Variants in CHRNA6 observed in about 807,000 individuals in gnomAD.
CHRNA6 encodes neuronal acetylcholine receptor subunit alpha-6.
Under a neutral mutation model 40.9 loss-of-function variants are expected in CHRNA6, and 31 were observed. That is an observed-to-expected ratio of 0.76 (90% CI 0.57 to 1.02). The LOEUF (loss-of-function observed/expected upper bound fraction) is 1.02. Among genes scored for constraint, CHRNA6 ranks in the 50% least tolerant of loss-of-function variants. The pLI is 0.00. For missense variants in CHRNA6, 546 were observed against 596.6 expected (o/e 0.92, Z 0.88); for synonymous variants, 222 against 221.3 (o/e 1.00, Z -0.03).
At chr8:42,757,791 T>C (rs951921147) in intron 3 of CHRNA6, among the ~76,000 whole-genome samples, 26 of 149,278 alleles carry the variant, frequency 1.7e-4, no homozygotes, top group African/African-American at 6.5e-4. Flanking sequence ...CCCAGCACGT[T>C]GGGAGGCCGA....
intron 3 of CHRNA6, among the ~76,000 whole-genome samples, chr8:42,757,333 T>C (rs1404710259): frequency 2.0e-5 from 3 of 150,522 alleles, no homozygotes; most frequent in African/African-American, 7.5e-5. Flanking sequence ...GTCACTGTAC[T>C]ACAGCCTGGG....
chr8:42,758,762 G>T (rs1323695818), intron 3 of CHRNA6, among the ~76,000 whole-genome samples: 2 of 152,294 alleles, frequency 1.3e-5, no homozygotes, highest in East Asian at 1.9e-4. Context: ...TCCAAGCCTG[G>T]TCAAGCAGGG....
intron 5 of CHRNA6, among the ~76,000 whole-genome samples, chr8:42,753,858 C>T (rs77990632): frequency 0.034 from 5,160 of 152,208 alleles, 129 homozygotes; most frequent in Non-Finnish European, 0.052. Flanking sequence ...ACTTTCCCAA[C>T]TGCAAGAAAC....
chr8:42,760,324 ACT>A (rs959613872), intron 2 of CHRNA6, among the ~76,000 whole-genome samples: 14 of 128,656 alleles, frequency 1.1e-4, no homozygotes, highest in Non-Finnish European at 1.8e-4. Context: ...ACTCATGCAC[ACT>A]CACACTCATG....
chr8:42,762,630 C>T (rs1360774938), intron 2 of CHRNA6, among the ~76,000 whole-genome samples: 1 of 152,136 alleles, frequency 6.6e-6, no homozygotes, highest in Non-Finnish European at 1.5e-5. Context: ...GCCTGGGTGA[C>T]AGAGTGAGAC....
Position 42,756,796 on chromosome 8 carries a change from T to C in CHRNA6, c.403A>G (p.Lys135Glu). 7 of 1,607,468 alleles carry C rather than the reference T, an allele frequency of 4.4e-6. No homozygotes were observed. The highest frequency in any genetic ancestry group is 5.9e-6 in the Non-Finnish European group (7 of 1,178,262). ...NAVGDFQVEG[K>E]TKALLKYNGM... ...TTGTATTTAAGAAGAGCTTTTGTTT[T>C]GCCTTCTACTTGGAAGTCACCAACA... is the stretch of plus-strand genomic sequence containing the variant. The change falls in exon 5 of 6, where the codon AAA becomes GAA. Residue 135 changes from lysine (K) to glutamate (E), a missense_variant. Lys to Glu is a moderately conservative substitution (Grantham distance 56, BLOSUM62 1). Around this residue, in one of 3 missense-constraint regions of CHRNA6, gnomAD observed 476 missense variants for 494.5 expected, o/e 0.96. Transcript: ENST00000276410.
At chr8:42,766,319 C>T (rs950008164) in intron 1 of CHRNA6, among the ~76,000 whole-genome samples, 4 of 152,144 alleles carry the variant, frequency 2.6e-5, no homozygotes, top group East Asian at 1.9e-4. Context: ...GGTGAAACCC[C>T]GTCCCTACCA....
intron 1 of CHRNA6, among the ~76,000 whole-genome samples, chr8:42,766,470 C>A (rs981080259): frequency 2.7e-5 from 4 of 145,850 alleles, no homozygotes; most frequent in African/African-American, 8.0e-5. Flanking sequence ...CCAGCCTGGG[C>A]GACAGAGTGA....
rs1817002209 is a variant in CHRNA6 at position 42,768,475 on chromosome 8, G to A, written c.-45C>T. On this transcript the variant is annotated 5_prime_UTR_variant, in exon 1 of 6. Transcript: ENST00000276410. ...TCCTTTTTCCTAGGCAAAGGATTGT[G>A]GAAAACAAAGAGCTATCAGTCAGCC... 7 of 1,502,466 alleles carry A rather than the reference G, an allele frequency of 4.7e-6. No homozygotes were observed. The South Asian group carries it at 7.9e-5, about 17-fold the overall frequency. The allele number at this position is 1,502,466 out of a possible 1,614,324, so 93.1% of individuals were successfully genotyped here.
intron 1 of CHRNA6, among the ~76,000 whole-genome samples, chr8:42,766,494 A>AAAAGAAAGAAAGAAAGAAAGAAAG (rs537067864): frequency 6.9e-6 from 1 of 144,966 alleles, no homozygotes; most frequent in Non-Finnish European, 1.5e-5. Flanking sequence ...TCCGTCTCAA[A>AAAAGAAAGAAAGAAAGAAAGAAAG]AAAGAAAGAA....
intron 1 of CHRNA6, among the ~76,000 whole-genome samples, chr8:42,766,570 A>G (rs1816979199): frequency 6.6e-6 from 1 of 152,168 alleles, no homozygotes; most frequent in African/African-American, 2.4e-5. Context: ...AAAAATGAAC[A>G]AGATCGTGCC....
Position 42,767,027 on chromosome 8 carries a change from G to T in CHRNA6, c.79+1325C>A, listed in dbSNP as rs140341406. Among the ~76,000 whole-genome samples the T allele has an allele frequency of 3.7e-4, 56 of 152,364 alleles. 1 individual carries two copies. The East Asian group carries it at 8.3e-3, about 23-fold the overall frequency. On this transcript the variant is annotated intron_variant, in intron 1 of 5. Coordinates refer to ENST00000276410, the MANE Select transcript of CHRNA6 (RefSeq NM_004198.3). ...GTTGCCCAGGCATGGTCATGCAGTG[G>T]CATGATCTCGGCTCACTGCAAGCTC...
chr8:42,765,641 A>G (rs1816966266), intron 1 of CHRNA6, among the ~76,000 whole-genome samples: 1 of 152,200 alleles, frequency 6.6e-6, no homozygotes, highest in Non-Finnish European at 1.5e-5. Flanking sequence ...ATCAACTAAA[A>G]TCTGTATCTA....
intron 2 of CHRNA6, 189 bp from the exon 3 acceptor site, chr8:42,759,302 C>T (rs759765081): frequency 1.4e-5 from 8 of 570,872 alleles, no homozygotes; most frequent in Non-Finnish European, 2.5e-5. Flanking sequence ...GGCTCCAGCC[C>T]TGTGGATTTT....
At chr8:42,761,227 T>G (rs1357097443) in intron 2 of CHRNA6, among the ~76,000 whole-genome samples, 1 of 152,230 alleles carries the variant, frequency 6.6e-6, no homozygotes, top group African/African-American at 2.4e-5. Flanking sequence ...GTTACAGTCA[T>G]GGGTTCCTGT....
chr8:42,756,158 C>T lies in CHRNA6; in HGVS notation c.1041G>A (p.Lys347=). ...MPRWVKTVFL[K]LLPQVLLMRW... The stretch of plus-strand genomic sequence containing the variant: ...TCATCAGCAGGACCTGGGGCAGCAG[C>T]TTCAGGAAAACTGTCTTCACCCACC... Residue 347 remains lysine, a synonymous_variant, in exon 5 of 6, where the codon AAG becomes AAA. Transcript: ENST00000276410. The T allele has an allele frequency of 6.2e-7, 1 of 1,614,252 alleles. No individual in the cohort carries two copies. The highest frequency in any genetic ancestry group is 1.1e-5 in the South Asian group (1 of 91,086).
intron 3 of CHRNA6, among the ~76,000 whole-genome samples, chr8:42,757,589 C>T (rs2128911437): frequency 6.8e-6 from 1 of 146,574 alleles, no homozygotes; most frequent in South Asian, 2.1e-4. Flanking sequence ...AAAAATTAGC[C>T]AGGCATGGTG....
intron 3 of CHRNA6, among the ~76,000 whole-genome samples, chr8:42,757,951 T>C (rs1400905610): frequency 6.9e-6 from 1 of 144,050 alleles, no homozygotes; most frequent in South Asian, 2.3e-4. Flanking sequence ...AGGAGAATGG[T>C]GTGAACCTGG....
intron 2 of CHRNA6, among the ~76,000 whole-genome samples, chr8:42,764,183 C>T (rs757282464): frequency 3.9e-5 from 6 of 152,112 alleles, no homozygotes; most frequent in Non-Finnish European, 5.9e-5. Flanking sequence ...AATGGGGGGG[C>T]GCAAAGATTA....
Sources: gnomAD v4.1 joint callset for allele counts (sites outside exome capture counted in the v4.1 genomes callset) on GRCh38, gnomAD v4.1.1 for gene constraint, gnomAD v4.1.1 regional missense constraint, MANE v1.5 for transcripts, NCBI Gene and HGNC (gene_info 2026-07-23, HGNC 2026-07-21) for gene names.